The following DYNC1LI2 variants were observed in gnomAD, a reference collection of about 807,000 sequenced individuals.
DYNC1LI2 encodes the protein dynein cytoplasmic 1 light intermediate chain 2, also known as cytoplasmic dynein 1 light intermediate chain 2.
A neutral mutation model predicts 57.8 loss-of-function variants in DYNC1LI2; 19 were observed. That is an observed-to-expected ratio of 0.33 (90% CI 0.23 to 0.48). The LOEUF (loss-of-function observed/expected upper bound fraction) is 0.48. DYNC1LI2 is among the 20% of genes least tolerant of loss of function. The pLI, the probability that DYNC1LI2 is intolerant of heterozygous loss-of-function variation, is 0.99. For missense variants in DYNC1LI2, 470 were observed against 604.2 expected (o/e 0.78, Z 2.33); for synonymous variants, 256 against 233.4 (o/e 1.10, Z -0.88).
In DYNC1LI2 at chr16:66,734,590, T is replaced by C. The variant is rs544214260; in HGVS notation, c.700-279A>G. Among the ~76,000 whole-genome samples, 25 of 151,878 alleles carry C rather than the reference T, an allele frequency of 1.6e-4. 1 individual carries two copies. In the South Asian group the frequency reaches 3.3e-3, roughly 20 times the overall value. On this transcript the variant is annotated intron_variant, in intron 5 of 12. Transcript: ENST00000258198. ...AGCTCCCATCAGGAGGCAGGCCCGG[T>C]GTACACAGTTGTACACTCCACTCCA...
chr16:66,748,318 C>G (rs1014729292), intron 3 of DYNC1LI2, among the ~76,000 whole-genome samples: 1 of 139,924 alleles, frequency 7.1e-6, no homozygotes, highest in African/African-American at 2.7e-5. Flanking sequence ...AACATAAAAC[C>G]AAAAGATTAT....
intron 2 of DYNC1LI2, among the ~76,000 whole-genome samples, chr16:66,750,911 C>T (rs1307985634): frequency 6.6e-6 from 1 of 152,232 alleles, no homozygotes; most frequent in Non-Finnish European, 1.5e-5. Flanking sequence ...GGTCATTTCC[C>T]CACAGCTCCG....
At chr16:66,742,991 T>C (rs1398063602) in intron 3 of DYNC1LI2, among the ~76,000 whole-genome samples, 1 of 151,888 alleles carries the variant, frequency 6.6e-6, no homozygotes, top group Non-Finnish European at 1.5e-5. Context: ...AAACCCCATC[T>C]CTACTAAAAG....
intron 4 of DYNC1LI2, among the ~76,000 whole-genome samples, chr16:66,741,270 C>T (rs1040046932): frequency 6.6e-6 from 1 of 152,146 alleles, no homozygotes; most frequent in Non-Finnish European, 1.5e-5. Flanking sequence ...GGTCTTCAGA[C>T]TCAGAACTAT....
intron 2 of DYNC1LI2, among the ~76,000 whole-genome samples, chr16:66,750,506 C>T (rs953868051): frequency 1.3e-5 from 2 of 152,216 alleles, no homozygotes; most frequent in African/African-American, 4.8e-5. Flanking sequence ...CATACTGACA[C>T]TTTTCTGCAA....
intron 12 of DYNC1LI2, chr16:66,724,897 A>G (rs2144964468): frequency 6.6e-6 from 1 of 152,340 alleles, no homozygotes; most frequent in African/African-American, 2.4e-5. Flanking sequence ...TAAAAAATTA[A>G]AAGTAGGCCA....
At chr16:66,728,095 A>G in intron 10 of DYNC1LI2, 106 bp downstream of exon 10, 1 of 1,482,184 alleles carries the variant, frequency 6.7e-7, no homozygotes. Flanking sequence ...ATTCCCACTG[A>G]AAATACAAAA....
At chr16:66,724,549 G>T (rs1488464165) in intron 12 of DYNC1LI2, 1 of 152,136 alleles carries the variant, frequency 6.6e-6, no homozygotes, top group Non-Finnish European at 1.5e-5. Flanking sequence ...AATGGAAAAT[G>T]GAAAGCAAAA....
chr16:66,738,881 A>C (rs562837841), intron 4 of DYNC1LI2: 1,901 of 94,058 alleles, frequency 0.02, 28 homozygotes, highest in Middle Eastern at 0.069. Context: ...TCAAAAAAAA[A>C]CAAACACACA....
chr16:66,744,077 T>C (rs1291616884), intron 3 of DYNC1LI2, among the ~76,000 whole-genome samples: 1 of 152,206 alleles, frequency 6.6e-6, no homozygotes, highest in African/African-American at 2.4e-5. Context: ...TATGTTTGTA[T>C]ATTTATTTTT....
At chr16:66,750,336 G>A (rs2018020764) in intron 2 of DYNC1LI2, among the ~76,000 whole-genome samples, 1 of 152,108 alleles carries the variant, frequency 6.6e-6, no homozygotes, top group Admixed American at 6.5e-5. Context: ...GGGGGATGGA[G>A]GTGAGATAAA....
At position 66,734,997 on chromosome 16, in the gene DYNC1LI2, C is replaced by CAAAAAA. The variant is rs377398071; in HGVS notation, c.700-692_700-687dup. Among the ~76,000 whole-genome samples, 48 of 38,546 alleles carry CAAAAAA rather than the reference C, an allele frequency of 1.2e-3. 6 individuals carry two copies. Among genetic ancestry groups the CAAAAAA allele is most frequent in the African/African-American group, 5.2e-3 (45 of 8,672 alleles). 25.3% of individuals were successfully genotyped at this position (38,546 alleles called of 152,430 possible). A position where few individuals can be genotyped will look rare whatever the true frequency, so the allele number is the denominator to read the frequency against. On this transcript the variant is annotated intron_variant, in intron 5 of 12. Coordinates refer to ENST00000258198, the MANE Select transcript of DYNC1LI2 (RefSeq NM_006141.3). ...GGGCAACAAGAGTGAAACTCCGTCT[C>CAAAAAA]AAAAAAAAAAAAAAAAAAAAAAAAA...
chr16:66,733,058 TAC>T (rs1183518206), intron 6 of DYNC1LI2: 1 of 152,252 alleles, frequency 6.6e-6, no homozygotes, highest in African/African-American at 2.4e-5. Context: ...CTCAAAAGAC[TAC>T]AGACACCACC....
At chr16:66,748,426 AAG>A (rs1372447236) in intron 3 of DYNC1LI2, among the ~76,000 whole-genome samples, 2 of 152,178 alleles carry the variant, frequency 1.3e-5, no homozygotes, top group African/African-American at 2.4e-5. Flanking sequence ...TAATCCTTAT[AAG>A]AGTGTTTATC....
intron 3 of DYNC1LI2, among the ~76,000 whole-genome samples, chr16:66,745,098 C>T (rs1265703157): frequency 6.1e-5 from 9 of 147,410 alleles, no homozygotes; most frequent in Admixed American, 5.4e-4. Flanking sequence ...TAGTAGAGAC[C>T]GGGTTTCACC....
In DYNC1LI2 at chr16:66,723,584, G is replaced by GTTTT; in HGVS notation, c.*134_*137dup. Reference sequence around the variant, plus strand: ...TTTCACACTCGGACAAGCCAATGAAGTTTTTTTTTTTTTTTTAAAGTTCAT... The same window carrying GTTTT: ...TTTCACACTCGGACAAGCCAATGAAGTTTTTTTTTTTTTTTTTTTTAAAGTTCAT... On this transcript the variant is annotated 3_prime_UTR_variant, in exon 13 of 13. Transcript: ENST00000258198. 3.6e-5 allele frequency: 21 copies of GTTTT among 583,964 alleles called. No individual in the cohort carries two copies. The highest frequency in any genetic ancestry group is 3.2e-4 in the Middle Eastern group (1 of 3,132). 36.2% of individuals were successfully genotyped at this position (583,964 alleles called of 1,614,324 possible). A position where few individuals can be genotyped will look rare whatever the true frequency, so the allele number is the denominator to read the frequency against.
chr16:66,729,544 A>ACAAT (rs1018420517), intron 8 of DYNC1LI2, among the ~76,000 whole-genome samples: 3 of 148,620 alleles, frequency 2.0e-5, no homozygotes, highest in Non-Finnish European at 3.0e-5. Flanking sequence ...CACAAACTAT[A>ACAAT]CAATGTGTAA....
intron 2 of DYNC1LI2, among the ~76,000 whole-genome samples, chr16:66,750,868 G>A (rs2018033200): frequency 6.6e-6 from 1 of 152,158 alleles, no homozygotes; most frequent in Non-Finnish European, 1.5e-5. Context: ...CTCGGACTAT[G>A]CACTACTGAT....
intron 8 of DYNC1LI2, 62 bp from the exon 9 acceptor site, chr16:66,729,161 T>C: frequency 6.3e-7 from 1 of 1,588,340 alleles, no homozygotes; most frequent in African/African-American, 1.3e-5. Context: ...ACTGTCAAAC[T>C]TCATGCCGAA....
Sources: gnomAD v4.1 joint callset for allele counts (sites outside exome capture counted in the v4.1 genomes callset) on GRCh38, gnomAD v4.1.1 for gene constraint, MANE v1.5 for transcripts, NCBI Gene and HGNC (gene_info 2026-07-23, HGNC 2026-07-21) for gene names.